Variants in CEP170 observed in about 807,000 individuals in gnomAD.
CEP170 encodes centrosomal protein of 170 kDa.
CEP170 carries 21 observed loss-of-function variants against 151.9 expected under a neutral mutation model. That is an observed-to-expected ratio of 0.14 (90% CI 0.10 to 0.20). The LOEUF (loss-of-function observed/expected upper bound fraction) is 0.20, where lower values mean the gene tolerates loss of function less well. Among genes scored for constraint, CEP170 ranks in the 10% least tolerant of loss-of-function variants. The pLI is 1.00. For synonymous variants in CEP170, 356 were observed against 648.8 expected, an observed-to-expected ratio of 0.55 and a Z score of 6.86; for missense variants, 964 against 1,892.9, an observed-to-expected ratio of 0.51 and a Z score of 9.11.
rs777203357 is a variant in CEP170 at position 243,165,605 on chromosome 1, T to A, written c.2355A>T (p.Ser785=). The change falls in exon 13 of 20, where the codon TCA becomes TCT. Residue 785 remains serine (S), a synonymous_variant. Transcript: ENST00000366542. The part of the protein sequence containing the change: ...KCREETFKQE[S]QPPEKNSGHS... Reference sequence around the variant, plus strand: ...GTCCTGAATTTTTTTCTGGAGGTTGTGATTCTTGTTTAAAAGTTTCCTCCC... The same window carrying A: ...GTCCTGAATTTTTTTCTGGAGGTTGAGATTCTTGTTTAAAAGTTTCCTCCC... The A allele has an allele frequency of 1.2e-6, 2 of 1,613,926 alleles. No individual in the cohort carries two copies. Among genetic ancestry groups the A allele is most frequent in the Admixed American group, 1.7e-5 (1 of 60,008 alleles).
rs774532393 is a variant in CEP170, at chr1:243,172,720, T to C, written c.1693A>G (p.Thr565Ala). The stretch of plus-strand genomic sequence containing the variant: ...ACCTCTGAGTGGTGAAATCCAGATG[T>C]AGTCAGTGGTTTTCTTTCTTCCATT... ...AVMEERKPLT[T>A]SGFHHSEEGT... is the part of the protein sequence containing the mutation. Residue 565 changes from threonine to alanine, a missense_variant, in exon 11 of 20, where the codon ACA (threonine) becomes GCA (alanine). By Grantham distance (58) the Thr-to-Ala change is moderately conservative (BLOSUM62 0). Transcript: ENST00000366542. 17 of 1,592,254 alleles carry C rather than the reference T, an allele frequency of 1.1e-5. No individual in the cohort carries two copies. Among genetic ancestry groups the C allele is most frequent in the Non-Finnish European group, 1.2e-5 (14 of 1,169,026 alleles).
rs1016792605 is a variant in CEP170 at position 243,187,071 on chromosome 1, G to C, written c.1109-649C>G. On this transcript the variant is annotated intron_variant, in intron 8 of 19. Coordinates refer to ENST00000366542, the MANE Select transcript of CEP170 (RefSeq NM_014812.3). ...TGCACTCCAAACTCTAGTGGCTTCA[G>C]AGTTAAAGAAAGCATGCTGAGAGGT... 1.3e-4 allele frequency among the ~76,000 whole-genome samples: 20 copies of C among 152,118 alleles called. 1 individual carries two copies. Among genetic ancestry groups the C allele is most frequent in the Middle Eastern group, 6.3e-3 (2 of 316 alleles).
At chr1:243,234,551 G>T (rs1013455035) in intron 1 of CEP170, among the ~76,000 whole-genome samples, 1 of 152,156 alleles carries the variant, frequency 6.6e-6, no homozygotes, top group Non-Finnish European at 1.5e-5. Context: ...CTAAGGCATT[G>T]CATCAACTGG....
intron 8 of CEP170, 35 bp from the exon 9 acceptor site, chr1:243,186,457 A>T: frequency 6.4e-7 from 1 of 1,551,436 alleles, no homozygotes; most frequent in African/African-American, 1.4e-5. Flanking sequence ...ATAGAGAAGG[A>T]AAAAGTCCCA....
At chr1:243,245,851 G>A (rs972914476) in intron 1 of CEP170, among the ~76,000 whole-genome samples, 3 of 151,944 alleles carry the variant, frequency 2.0e-5, no homozygotes, top group Non-Finnish European at 2.9e-5. Flanking sequence ...GAGACTGAGC[G>A]GAGAGGATCC....
At chr1:243,136,985 C>T (rs1320470272) in intron 16 of CEP170, among the ~76,000 whole-genome samples, 1 of 152,236 alleles carries the variant, frequency 6.6e-6, no homozygotes, top group Non-Finnish European at 1.5e-5. Flanking sequence ...ATGGGCAAAA[C>T]CAGGGGTCAC....
At chr1:243,153,340 C>A (rs1434238369) in intron 14 of CEP170, among the ~76,000 whole-genome samples, 4 of 152,138 alleles carry the variant, frequency 2.6e-5, no homozygotes, top group Non-Finnish European at 5.9e-5. Flanking sequence ...GATAAGCCAG[C>A]GGCAGGGTCT....
rs1338409757 is a variant in CEP170 at position 243,124,993 on chromosome 1, A to T, written c.*1456T>A. The T allele has an allele frequency of 6.6e-6, 1 of 152,204 alleles. No individual in the cohort carries two copies. Among genetic ancestry groups the T allele is most frequent in the East Asian group, 1.9e-4 (1 of 5,190 alleles). The allele number at this position is 152,204 out of a possible 1,614,324, so 9.4% of individuals were successfully genotyped here. On this transcript the variant is annotated 3_prime_UTR_variant, in exon 20 of 20. Coordinates refer to ENST00000366542, the MANE Select transcript of CEP170 (RefSeq NM_014812.3). ...TGATCCAACAATACAGGATTTAAAA[A>T]ATCCTGTAAAGTCTTGAAGTGTATA...
At chr1:243,200,255 G>C (rs2060937328) in intron 6 of CEP170, among the ~76,000 whole-genome samples, 1 of 152,012 alleles carries the variant, frequency 6.6e-6, no homozygotes, top group Admixed American at 6.6e-5. Context: ...CCTGAAACCA[G>C]TCCCCCACGG....
At chr1:243,211,719 C>G (rs1339034) in intron 4 of CEP170, 167 bp downstream of exon 4, 4 of 731,374 alleles carry the variant, frequency 5.5e-6, no homozygotes, top group Middle Eastern at 3.3e-4. Context: ...CTTTTAGGAA[C>G]AGGCATAATA....
intron 10 of CEP170, among the ~76,000 whole-genome samples, chr1:243,180,952 G>C (rs1190705832): frequency 2.6e-5 from 4 of 152,134 alleles, no homozygotes; most frequent in Non-Finnish European, 5.9e-5. Context: ...CAAAACTCAG[G>C]ACAAGAAAAG....
chr1:243,173,900 C>T (rs1411918046), intron 10 of CEP170, among the ~76,000 whole-genome samples: 1 of 152,126 alleles, frequency 6.6e-6, no homozygotes, highest in African/African-American at 2.4e-5. Flanking sequence ...TGTTCCTTCC[C>T]TAGCAAATGT....
intron 13 of CEP170, among the ~76,000 whole-genome samples, chr1:243,163,761 G>GAC (rs1305524334): frequency 6.6e-6 from 1 of 152,036 alleles, no homozygotes; most frequent in East Asian, 1.9e-4. Flanking sequence ...TAAAGTATGT[G>GAC]AGACATTTCA....
At chr1:243,178,404 C>T (rs770812109) in intron 10 of CEP170, among the ~76,000 whole-genome samples, 4 of 150,586 alleles carry the variant, frequency 2.7e-5, no homozygotes, top group Admixed American at 2.0e-4. Flanking sequence ...TGAAAGTAGC[C>T]GGTCACAAAA....
At position 243,164,849 on chromosome 1, in the gene CEP170, A is replaced by C; in HGVS notation, c.3111T>G (p.Ser1037=). Residue 1037 remains serine (S), a synonymous_variant, in exon 13 of 20, where the codon TCT becomes TCG. Transcript: ENST00000366542. ...QTSSVPHSAI[S]DIMSSDQETY... Reference sequence around the variant, plus strand: ...TTTCTTGATCAGATGACATAATATCAGAGATGGCAGAATGAGGTACACTAG... The same window carrying C: ...TTTCTTGATCAGATGACATAATATCCGAGATGGCAGAATGAGGTACACTAG... The C allele has an allele frequency of 6.2e-7, 1 of 1,613,206 alleles. No individual in the cohort carries two copies. The highest frequency in any genetic ancestry group is 8.5e-7 in the Non-Finnish European group (1 of 1,179,294).
intron 1 of CEP170, among the ~76,000 whole-genome samples, chr1:243,243,958 C>A (rs2065109687): frequency 6.6e-6 from 1 of 152,140 alleles, no homozygotes; most frequent in South Asian, 2.1e-4. Context: ...ACCAACACTA[C>A]TGGAGTGAAA....
chr1:243,213,931 G>C (rs1328068822), intron 3 of CEP170, among the ~76,000 whole-genome samples: 1 of 152,104 alleles, frequency 6.6e-6, no homozygotes, highest in African/African-American at 2.4e-5. Context: ...GGCTGGTCTT[G>C]AATTCCTGGC....
intron 19 of CEP170, among the ~76,000 whole-genome samples, chr1:243,127,854 T>C (rs2053888362): frequency 6.6e-6 from 1 of 152,166 alleles, no homozygotes; most frequent in African/African-American, 2.4e-5. Flanking sequence ...ATTATTTCTA[T>C]TAGAATGTAA....
At chr1:243,237,055 G>A (rs947265760) in intron 1 of CEP170, among the ~76,000 whole-genome samples, 1 of 152,184 alleles carries the variant, frequency 6.6e-6, no homozygotes, top group African/African-American at 2.4e-5. Flanking sequence ...TATGAAAAGT[G>A]AATTGAAACT....
Sources: gnomAD v4.1 joint callset for allele counts (sites outside exome capture counted in the v4.1 genomes callset) on GRCh38, gnomAD v4.1.1 for gene constraint, MANE v1.5 for transcripts, NCBI Gene and HGNC (gene_info 2026-07-23, HGNC 2026-07-21) for gene names.